The following PCNA variants were observed in gnomAD, a reference collection of about 807,000 sequenced individuals.
PCNA encodes the protein DNA sliding clamp PCNA.
In PCNA, 4 loss-of-function variants were observed where a neutral mutation model predicts 27.8. The ratio of observed to expected loss-of-function variants is 0.14; its 90% confidence interval spans 0.07 to 0.33. PCNA has a LOEUF of 0.33. PCNA is among the 10% of genes least tolerant of loss of function. PCNA has a pLI of 1.00. For missense variants in PCNA, 165 were observed against 327.4 expected, an observed-to-expected ratio of 0.50 and a Z score of 3.83; for synonymous variants, 121 against 119.4, an observed-to-expected ratio of 1.01 and a Z score of -0.09.
chr20:5,123,183 T>G (rs546027144), upstream of PCNA, among the ~76,000 whole-genome samples: 6 of 152,182 alleles, frequency 3.9e-5, no homozygotes, highest in African/African-American at 1.4e-4. Context: ...TGGTGCAAGG[T>G]GAGGTTGCAG....
At chr20:5,125,248 T>C (rs2090539535) in intron 1 of PCNA, among the ~76,000 whole-genome samples, 2 of 152,204 alleles carry the variant, frequency 1.3e-5, no homozygotes, top group African/African-American at 4.8e-5. Context: ...TATACTCATA[T>C]AGAAATCAGG....
At chr20:5,126,563 G>A (rs978824804) in exon 1 of PCNA, 1 of 152,384 alleles carries the variant, frequency 6.6e-6, no homozygotes, top group Admixed American at 6.5e-5. Context: ...CCTCCGGGTG[G>A]CGCTTCTCGC....
chr20:5,120,547 CTTTT>C (rs11087673), upstream of PCNA, among the ~76,000 whole-genome samples: 1 of 148,324 alleles, frequency 6.7e-6, no homozygotes, highest in South Asian at 2.1e-4. Flanking sequence ...TTCGAATACA[CTTTT>C]TTTTTTTCAA....
chr20:5,122,473 T>C (rs1396229011), upstream of PCNA, among the ~76,000 whole-genome samples: 2 of 152,254 alleles, frequency 1.3e-5, no homozygotes, highest in African/African-American at 4.8e-5. Flanking sequence ...GATGATGCAG[T>C]ATTTTTCAAT....
At chr20:5,123,555 C>T (rs1053716498), upstream of PCNA, among the ~76,000 whole-genome samples, 19 of 151,856 alleles carry the variant, frequency 1.3e-4, no homozygotes, top group African/African-American at 3.9e-4. Flanking sequence ...ATTAGCTGGG[C>T]GTGGTGGTGC....
chr20:5,118,291 T>C (rs1372591603), intron 3 of PCNA, among the ~76,000 whole-genome samples: 1 of 152,168 alleles, frequency 6.6e-6, no homozygotes, highest in African/African-American at 2.4e-5. Flanking sequence ...TATTAACATA[T>C]CTTGACGGAG....
intron 1 of PCNA, 64 bp downstream of exon 1, chr20:5,119,514 G>GC: frequency 1.5e-6 from 2 of 1,355,200 alleles, no homozygotes; most frequent in South Asian, 2.5e-5. Context: ...GCTCGAAAGC[G>GC]CTCCCGCCAA....
chr20:5,115,466 G>A lies in PCNA; in HGVS notation c.689C>T (p.Ser230Phe). ...PLSSTVTLSM[S>F]ADVPLVVEYK... ...TATCTTACCAAGGGGTACATCTGCA[G>A]ACATACTGAGTGTCACCGTTGAAGA... The change falls in exon 5 of 6, where the codon TCT becomes TTT. Residue 230 changes from serine to phenylalanine, a missense_variant. Coordinates refer to ENST00000379143, the MANE Select transcript of PCNA (RefSeq NM_182649.2). 6.2e-7 allele frequency: 1 copy of A among 1,614,050 alleles called. No homozygotes were observed. The highest frequency in any genetic ancestry group is 8.5e-7 in the Non-Finnish European group (1 of 1,179,946).
chr20:5,121,889 G>A (rs933653532), upstream of PCNA, among the ~76,000 whole-genome samples: 1 of 151,892 alleles, frequency 6.6e-6, no homozygotes, highest in African/African-American at 2.4e-5. Context: ...GTCTCCCAAA[G>A]TGTGAGATTA....
Position 5,117,553 on chromosome 20 carries a change from CTCCG to C in PCNA, c.495_498del (p.Asp165GlufsTer2). 1.2e-6 allele frequency: 2 copies of C among 1,614,014 alleles called. No individual in the cohort carries two copies. The highest frequency in any genetic ancestry group is 1.7e-6 in the Non-Finnish European group (2 of 1,179,910). On this transcript the variant is annotated frameshift_variant, in exon 4 of 6. Coordinates refer to ENST00000379143, the MANE Select transcript of PCNA (RefSeq NM_182649.2). LOFTEE classifies it high-confidence loss of function. The stretch of plus-strand genomic sequence containing the variant: ...AGTTCTCCACTTGCAGAAAATTTCA[CTCCG>C]TCTTTTGCACAGGAAATTACAACAG...
rs375496467 is a variant in PCNA at position 5,119,756 on chromosome 20, C to G, written c.43G>C (p.Val15Leu). Residue 15 changes from valine (V) to leucine (L), a missense_variant, in exon 1 of 6, where the codon GTG (valine) becomes CTG (leucine). By Grantham distance (32) the Val-to-Leu change is conservative. Coordinates refer to ENST00000379143, the MANE Select transcript of PCNA (RefSeq NM_182649.2). ...RLVQGSILKK[V>L]LEALKDLINE... ...ATGAGGTCCTTGAGTGCCTCCAACA[C>G]CTTCTTGAGGATGGAGCCCTGGACC... The G allele has an allele frequency of 2.4e-5, 38 of 1,584,780 alleles. No individual in the cohort carries two copies. The highest frequency in any genetic ancestry group is 3.1e-5 in the Non-Finnish European group (36 of 1,165,540).
chr20:5,120,040 G>C, upstream of PCNA: 2 of 542,500 alleles, frequency 3.7e-6, no homozygotes, highest in South Asian at 4.0e-5. Context: ...GCCTTGCGGG[G>C]AAGACTTTAG....
intron 3 of PCNA, among the ~76,000 whole-genome samples, chr20:5,118,358 CCA>C (rs895393617): frequency 7.9e-5 from 12 of 151,974 alleles, no homozygotes; most frequent in African/African-American, 2.9e-4. Flanking sequence ...GCCCCCACGC[CCA>C]CACACAAAAA....
chr20:5,123,947 A>G (rs963600606), upstream of PCNA, among the ~76,000 whole-genome samples: 1 of 152,232 alleles, frequency 6.6e-6, no homozygotes, highest in Non-Finnish European at 1.5e-5. Context: ...AGAGAACTCA[A>G]CTTGAATGGA....
intron 1 of PCNA, chr20:5,126,405 G>A (rs1212035701): frequency 6.6e-6 from 1 of 152,284 alleles, no homozygotes; most frequent in East Asian, 1.9e-4. Flanking sequence ...ACTGAAGCGT[G>A]GGTTTCATTT....
upstream of PCNA, among the ~76,000 whole-genome samples, chr20:5,120,867 C>G (rs1478091832): frequency 6.6e-6 from 1 of 152,092 alleles, no homozygotes; most frequent in African/African-American, 2.4e-5. Flanking sequence ...AGTACAGTGG[C>G]GCGATCTCAG....
upstream of PCNA, chr20:5,120,101 T>G: frequency 5.5e-6 from 2 of 364,408 alleles, no homozygotes; most frequent in Non-Finnish European, 5.2e-6. Context: ...GAGCATACAT[T>G]GGAGGAAGCG....
Position 5,115,124 on chromosome 20 carries a change from G to C in PCNA, c.*159C>G. 1 of 560,896 alleles carries C rather than the reference G, an allele frequency of 1.8e-6. No individual in the cohort carries two copies. The highest frequency in any genetic ancestry group is 3.2e-6 in the Non-Finnish European group (1 of 317,400). 34.7% of individuals were successfully genotyped at this position (560,896 alleles called of 1,614,324 possible). On this transcript the variant is annotated 3_prime_UTR_variant, in exon 6 of 6. Transcript: ENST00000379143. ...TTGGACTTTATTCTTTAAACAAATT[G>C]CAGAGAATAGAGAAAAAAATAGGTT...
upstream of PCNA, among the ~76,000 whole-genome samples, chr20:5,124,800 G>A (rs993367585): frequency 1.3e-4 from 20 of 152,034 alleles, no homozygotes; most frequent in Non-Finnish European, 2.6e-4. Context: ...AACCTGAGAG[G>A]GCTGAGTGTA....
Sources: allele counts gnomAD v4.1 joint callset (sites outside exome capture counted in the v4.1 genomes callset), GRCh38; gene constraint gnomAD v4.1.1; transcripts MANE v1.5; gene names NCBI Gene and HGNC (gene_info 2026-07-23, HGNC 2026-07-21).